The following ADCY1 variants were observed in gnomAD, a reference collection of about 807,000 sequenced individuals.
The protein encoded by ADCY1 is adenylate cyclase 1.
A neutral mutation model predicts 105.4 loss-of-function variants in ADCY1; 28 were observed. The observed-to-expected ratio is 0.27, with a 90% CI of 0.20 to 0.36. The LOEUF (loss-of-function observed/expected upper bound fraction) is 0.36, where lower values mean the gene tolerates loss of function less well. ADCY1 is among the 10% of genes least tolerant of loss of function. ADCY1 has a pLI of 1.00. For missense variants in ADCY1, 977 were observed against 1,434.2 expected (o/e 0.68, Z 5.15); for synonymous variants, 655 against 623.8 (o/e 1.05, Z -0.75).
At position 45,574,953 on chromosome 7, in the gene ADCY1, G is replaced by T; in HGVS notation, c.410G>T (p.Cys137Phe). ...LLFSLTFALL[C>F]CPFALGGPAR... Reference sequence around the variant, plus strand: ...TTCAGCCTCACCTTCGCGCTGCTCTGCTGTCCTTTCGCGCTGGGCGGCCCC... The same window carrying T: ...TTCAGCCTCACCTTCGCGCTGCTCTTCTGTCCTTTCGCGCTGGGCGGCCCC... Residue 137 changes from cysteine to phenylalanine, a missense_variant, in exon 1 of 20, where the codon TGC becomes TTC. Cys to Phe is a radical substitution (Grantham distance 205). This residue lies in a region of ADCY1 where 209 missense variants were observed against 222.5 expected (regional missense o/e 0.94). Transcript: ENST00000297323. The surrounding 1 kb of genome is among the most constrained non-coding windows in gnomAD (Gnocchi z 7.0). 6.2e-7 allele frequency: 1 copy of T among 1,611,866 alleles called. No homozygotes were observed. Among genetic ancestry groups the T allele is most frequent in the East Asian group, 2.2e-5 (1 of 44,846 alleles).
intron 1 of ADCY1, among the ~76,000 whole-genome samples, chr7:45,587,828 C>G (rs1792779202): frequency 6.6e-6 from 1 of 152,296 alleles, no homozygotes; most frequent in Non-Finnish European, 1.5e-5. Flanking sequence ...TGTCAGGGCA[C>G]TTCTGTCAAC....
chr7:45,659,927 G>C (rs1584312265), intron 6 of ADCY1, 115 bp from the exon 7 acceptor site: 23 of 1,347,284 alleles, frequency 1.7e-5, no homozygotes, highest in East Asian at 7.0e-5. Context: ...TCCCCGTGGA[G>C]CCTGCCCTGG....
intron 3 of ADCY1, among the ~76,000 whole-genome samples, chr7:45,611,466 G>A (rs1031316910): frequency 1.3e-5 from 2 of 152,118 alleles, no homozygotes; most frequent in Admixed American, 1.3e-4. Flanking sequence ...TGTCAGAATA[G>A]TAGCTGAGCA....
intron 5 of ADCY1, among the ~76,000 whole-genome samples, chr7:45,655,292 T>C (rs1042195502): frequency 3.3e-5 from 5 of 152,218 alleles, no homozygotes; most frequent in Non-Finnish European, 7.3e-5. Context: ...TTCCTTCCTG[T>C]TGGGGTCCAG....
chr7:45,714,285 T>C lies in ADCY1; in HGVS notation c.*290T>C, dbSNP rs1785323466. 2.2e-6 allele frequency: 1 copy of C among 452,602 alleles called. No individual in the cohort carries two copies. The highest frequency in any genetic ancestry group is 3.9e-5 in the South Asian group (1 of 25,920). 28.0% of individuals were successfully genotyped at this position (452,602 alleles called of 1,614,324 possible). ...CCCTCCGTGGCGTAGGGAGCACTGT[T>C]TCTTTCCAGCAAGCCTGTTCAGGTT... On this transcript the variant is annotated 3_prime_UTR_variant, in exon 20 of 20. Transcript: ENST00000297323.
chr7:45,645,846 G>A (rs1794649108), intron 4 of ADCY1, among the ~76,000 whole-genome samples: 1 of 152,174 alleles, frequency 6.6e-6, no homozygotes, highest in African/African-American at 2.4e-5. Context: ...TGCAAGAAGA[G>A]TTCCAGCAGC....
chr7:45,685,094 C>A, intron 12 of ADCY1, 26 bp downstream of exon 12: 2 of 1,598,812 alleles, frequency 1.3e-6, no homozygotes, highest in Non-Finnish European at 1.7e-6. Context: ...TTGTGGCATG[C>A]GCTGGGGCGG....
intron 8 of ADCY1, among the ~76,000 whole-genome samples, chr7:45,675,330 A>G (rs1784436156): frequency 6.6e-6 from 1 of 152,158 alleles, no homozygotes; most frequent in Non-Finnish European, 1.5e-5. Flanking sequence ...TTCCCCATTT[A>G]TAACATAAAT....
At chr7:45,625,252 T>C (rs554187727) in intron 4 of ADCY1, among the ~76,000 whole-genome samples, 2 of 152,328 alleles carry the variant, frequency 1.3e-5, no homozygotes, top group East Asian at 3.9e-4. Context: ...ATCTCATGTT[T>C]CCATGTTCCA....
chr7:45,676,998 GC>G (rs1285910879), intron 8 of ADCY1, among the ~76,000 whole-genome samples: 2 of 151,584 alleles, frequency 1.3e-5, no homozygotes, highest in African/African-American at 4.9e-5. Flanking sequence ...GCATTTTTTG[GC>G]TGCTGGTTTC....
chr7:45,609,175 T>C (rs865964535), intron 2 of ADCY1, among the ~76,000 whole-genome samples: 9 of 152,254 alleles, frequency 5.9e-5, no homozygotes, highest in Non-Finnish European at 1.0e-4. Context: ...GTAGCTATTT[T>C]CACTGTGGCT....
chr7:45,606,883 G>T (rs1361379026), intron 2 of ADCY1, among the ~76,000 whole-genome samples: 1 of 152,102 alleles, frequency 6.6e-6, no homozygotes, highest in Non-Finnish European at 1.5e-5. Context: ...TTGTTGGCTA[G>T]AGCTTATTGA....
At chr7:45,589,507 A>G (rs1441162182) in intron 1 of ADCY1, among the ~76,000 whole-genome samples, 1 of 152,188 alleles carries the variant, frequency 6.6e-6, no homozygotes, top group East Asian at 1.9e-4. Flanking sequence ...CCCCTGTGAC[A>G]TGCATCTTTT....
chr7:45,721,912 C>T lies in ADCY1; in HGVS notation c.*7917C>T. On this transcript the variant is annotated 3_prime_UTR_variant, in exon 20 of 20. Transcript: ENST00000297323. ...TTAATGTTTAAACAGACATAATAGC[C>T]TAGATGAACTCCCAAGAGATCTATT... 1 of 398,504 alleles carries T rather than the reference C, an allele frequency of 2.5e-6. No homozygotes were observed. The highest frequency in any genetic ancestry group is 4.4e-6 in the Non-Finnish European group (1 of 226,052). The allele number at this position is 398,504 out of a possible 1,614,324, so 24.7% of individuals were successfully genotyped here. A position where few individuals can be genotyped will look rare whatever the true frequency, so the allele number is the denominator to read the frequency against.
chr7:45,614,136 G>C (rs1014152795), intron 3 of ADCY1, among the ~76,000 whole-genome samples: 5 of 152,096 alleles, frequency 3.3e-5, no homozygotes, highest in African/African-American at 1.2e-4. Flanking sequence ...TGTAATTGTA[G>C]TGCATAAATC....
At chr7:45,660,538 T>G (rs751782485) in intron 7 of ADCY1, among the ~76,000 whole-genome samples, 15 of 152,206 alleles carry the variant, frequency 9.9e-5, no homozygotes, top group Non-Finnish European at 2.1e-4. Flanking sequence ...TGAGGGGTGC[T>G]GGGCACAGAG....
chr7:45,662,953 G>A lies in ADCY1; in HGVS notation c.1605+739G>A, dbSNP rs144805960. 3.3e-4 allele frequency among the ~76,000 whole-genome samples: 51 copies of A among 152,300 alleles called. 1 individual carries two copies. The highest frequency in any genetic ancestry group is 1.2e-3 in the African/African-American group (49 of 41,552). ...GGGCTCCATACTGCTGCTGCCTTGTGATGAGTGAAAGCAAGTCAGAAATGG... is the reference window on the plus strand; with the variant it reads ...GGGCTCCATACTGCTGCTGCCTTGTAATGAGTGAAAGCAAGTCAGAAATGG... On this transcript the variant is annotated intron_variant, in intron 8 of 19. Coordinates refer to ENST00000297323, the MANE Select transcript of ADCY1 (RefSeq NM_021116.4).
intron 5 of ADCY1, among the ~76,000 whole-genome samples, chr7:45,649,339 A>T (rs1471915134): frequency 6.6e-6 from 1 of 152,178 alleles, no homozygotes; most frequent in Non-Finnish European, 1.5e-5. Context: ...TGTCCTTATC[A>T]GAGACTGGGA....
At chr7:45,684,866 G>T in intron 11 of ADCY1, 113 bp from the exon 12 acceptor site, 2 of 878,800 alleles carry the variant, frequency 2.3e-6, no homozygotes, top group Non-Finnish European at 3.7e-6. Context: ...AAACGGATGT[G>T]GACCTAGCAG....
Sources: gnomAD v4.1 joint callset for allele counts (sites outside exome capture counted in the v4.1 genomes callset) on GRCh38, gnomAD v4.1.1 for gene constraint, gnomAD v4.1.1 regional missense constraint, Gnocchi (gnomAD v3.1) non-coding constraint, MANE v1.5 for transcripts, NCBI Gene and HGNC (gene_info 2026-07-23, HGNC 2026-07-21) for gene names.